The following ADGRG1 variants were observed in gnomAD, a reference collection of about 807,000 sequenced individuals.
The protein encoded by ADGRG1 is adhesion G protein-coupled receptor G1.
ADGRG1 carries 53 observed loss-of-function variants against 73.5 expected under a neutral mutation model. The ratio of observed to expected loss-of-function variants is 0.72; its 90% CI spans 0.58 to 0.91. The LOEUF (loss-of-function observed/expected upper bound fraction) is 0.91. Ranked by LOEUF, ADGRG1 falls within the 40% of genes least tolerant of loss-of-function variation. The pLI is 0.00. For missense variants in ADGRG1, 795 were observed against 871.8 expected, an observed-to-expected ratio of 0.91 and a Z score of 1.11; for synonymous variants, 394 against 374.4, an observed-to-expected ratio of 1.05 and a Z score of -0.60.
intron 3 of ADGRG1, chr16:57,652,255 C>A: frequency 2.0e-6 from 1 of 492,418 alleles, no homozygotes. Flanking sequence ...CCATTCAGCA[C>A]CATTAAATGC....
At chr16:57,626,890 T>C, upstream of ADGRG1, 1 of 984,426 alleles carries the variant, frequency 1.0e-6, no homozygotes, top group Non-Finnish European at 1.2e-6. Flanking sequence ...AACTCACTTG[T>C]CCTCCCTTGT....
intron 12 of ADGRG1, chr16:57,661,185 C>T (rs902717450): frequency 3.2e-6 from 2 of 631,730 alleles, no homozygotes; most frequent in Non-Finnish European, 3.9e-6. Context: ...CAGCACCTCT[C>T]TGTCTCCCCA....
rs557468195 is a variant in ADGRG1 at position 57,659,188 on chromosome 16, C to T, written c.1287-225C>T. ...CTGCCTGGCTGAGGCTTCTGTTAAA[C>T]GTGCACGTGGTGCCTGAGTCTGTGG... On this transcript the variant is annotated intron_variant, in intron 10 of 13. Transcript: ENST00000562631. 1.8e-3 allele frequency: 1,768 copies of T among 985,396 alleles called. 5 individuals carry two copies. Among genetic ancestry groups the T allele is most frequent in the South Asian group, 2.6e-3 (56 of 21,290 alleles). The allele number at this position is 985,396 out of a possible 1,614,324, so 61.0% of individuals were successfully genotyped here. A position where few individuals can be genotyped will look rare whatever the true frequency, so the allele number is the denominator to read the frequency against.
rs587783652 is a variant in ADGRG1, at chr16:57,659,534, C to G, written c.1408C>G (p.Arg470Gly). The G allele has an allele frequency of 2.5e-6, 4 of 1,613,660 alleles. No individual in the cohort carries two copies. The highest frequency in any genetic ancestry group is 1.7e-6 in the Non-Finnish European group (2 of 1,179,940). ...VALTGSEAGC[R>G]ASAIFLHFSL... ...CCTGACAGGCTCTGAGGCTGGCTGC[C>G]GAGCCAGTGCCATCTTCCTGCACTT... is the stretch of plus-strand genomic sequence containing the variant. The change falls in exon 11 of 14, where the codon CGA becomes GGA. Residue 470 changes from arginine (R) to glycine (G), a missense_variant. Arg to Gly is a moderately radical substitution (Grantham distance 125). Coordinates refer to ENST00000562631, the MANE Select transcript of ADGRG1 (RefSeq NM_201525.4).
At chr16:57,625,338 C>T (rs1280434056), upstream of ADGRG1, among the ~76,000 whole-genome samples, 1 of 152,186 alleles carries the variant, frequency 6.6e-6, no homozygotes, top group East Asian at 1.9e-4. Context: ...TCTTCTCTGC[C>T]TTCCGGATCT....
intron 1 of ADGRG1, among the ~76,000 whole-genome samples, chr16:57,639,061 C>T (rs1161926448): frequency 4.7e-5 from 7 of 150,504 alleles, no homozygotes; most frequent in Non-Finnish European, 1.0e-4. Flanking sequence ...AAGAGCGAAA[C>T]TCTGTTTGAG....
At chr16:57,656,720 T>G in intron 9 of ADGRG1, 103 bp downstream of exon 9, 3 of 798,320 alleles carry the variant, frequency 3.8e-6, no homozygotes, top group South Asian at 1.3e-5. Context: ...ATAACAGCTC[T>G]CCAAGGTAGC....
At chr16:57,652,705 C>A in intron 3 of ADGRG1, 2 of 998,106 alleles carry the variant, frequency 2.0e-6, no homozygotes, top group Non-Finnish European at 2.4e-6. Flanking sequence ...AGAAAGTATA[C>A]CCTCCAACCC....
chr16:57,663,182 C>G, intron 13 of ADGRG1: 1 of 810,920 alleles, frequency 1.2e-6, no homozygotes, highest in Non-Finnish European at 1.5e-6. Flanking sequence ...ACCTGAGCCT[C>G]CTGGGCCTCA....
upstream of ADGRG1, among the ~76,000 whole-genome samples, chr16:57,624,425 C>T (rs141736589): frequency 6.6e-6 from 1 of 152,098 alleles, no homozygotes; most frequent in Non-Finnish European, 1.5e-5. Context: ...CGTTTGAGCC[C>T]AGGAGATTGA....
At chr16:57,644,277 C>G in intron 1 of ADGRG1, 1 of 770,798 alleles carries the variant, frequency 1.3e-6, no homozygotes, top group Non-Finnish European at 1.6e-6. Context: ...GGCACACACA[C>G]TCATCACACA....
intron 1 of ADGRG1, among the ~76,000 whole-genome samples, chr16:57,649,052 T>C: frequency 6.6e-6 from 1 of 152,144 alleles, no homozygotes; most frequent in African/African-American, 2.4e-5. Flanking sequence ...TGGCAGATAG[T>C]AGCCGCTCAG....
At chr16:57,630,227 A>G (rs1251145449) in intron 1 of ADGRG1, 1 of 436,548 alleles carries the variant, frequency 2.3e-6, no homozygotes, top group Non-Finnish European at 3.0e-6. Flanking sequence ...TTGGGGTCAG[A>G]GACTGTGTGA....
chr16:57,650,298 A>C lies in ADGRG1; in HGVS notation c.11A>C (p.Gln4Pro), dbSNP rs1198610537. MTP[Q>P]SLLQTTLFLL... ...CTCCGTCGGAGGAAAATGACTCCCC[A>C]GTCGCTGCTGCAGACGACACTGTTC... Residue 4 changes from glutamine to proline, a missense_variant, in exon 2 of 14, where the codon CAG becomes CCG. Physicochemically the swap from Gln to Pro is moderately conservative, Grantham distance 76 (BLOSUM62 -1). Transcript: ENST00000562631. 6.2e-7 allele frequency: 1 copy of C among 1,613,610 alleles called. No homozygotes were observed. The highest frequency in any genetic ancestry group is 1.3e-5 in the African/African-American group (1 of 74,908).
At chr16:57,633,682 A>T (rs2038608330) in intron 1 of ADGRG1, 1 of 209,886 alleles carries the variant, frequency 4.8e-6, no homozygotes. Flanking sequence ...GAGAGGATTA[A>T]GTGAGCCTCT....
At chr16:57,627,185 C>T (rs576740654), upstream of ADGRG1, 18 of 639,886 alleles carry the variant, frequency 2.8e-5, no homozygotes, top group South Asian at 6.9e-5. Flanking sequence ...GTGCAGTTCA[C>T]CTGCAGCAGC....
At chr16:57,660,523 G>T (rs1212651591) in intron 11 of ADGRG1, 2 of 746,660 alleles carry the variant, frequency 2.7e-6, no homozygotes, top group Non-Finnish European at 3.3e-6. Flanking sequence ...TCTCCCAGGG[G>T]CCCCCAGGGT....
intron 1 of ADGRG1, chr16:57,630,396 T>G (rs2037461629): frequency 2.0e-6 from 2 of 985,786 alleles, no homozygotes; most frequent in Middle Eastern, 5.2e-4. Context: ...ACCCGAGATA[T>G]GCACCCACCT....
Position 57,628,911 on chromosome 16 carries a change from TGTGAGA to T in ADGRG1, c.-36+115_-36+120del, listed in dbSNP as rs1161377789. The T allele has an allele frequency of 1.6e-4, 133 of 842,672 alleles. 6 individuals are homozygous for T. Among genetic ancestry groups the T allele is most frequent in the African/African-American group, 2.2e-4 (6 of 27,900 alleles). 52.2% of individuals were successfully genotyped at this position (842,672 alleles called of 1,614,324 possible). Reference sequence around the variant, plus strand: ...GAGTGTGAGTGTGTGAGTGTGAGTGTGTGAGAGTGAGTGTGAGTGTGAGTGTGAGCG... The same window carrying T: ...GAGTGTGAGTGTGTGAGTGTGAGTGTGTGAGTGTGAGTGTGAGTGTGAGCG... On this transcript the variant is annotated intron_variant, in intron 1 of 13. Coordinates refer to ENST00000562631, the MANE Select transcript of ADGRG1 (RefSeq NM_201525.4).
Sources: gnomAD v4.1 joint callset for allele counts (sites outside exome capture counted in the v4.1 genomes callset) on GRCh38, gnomAD v4.1.1 for gene constraint, MANE v1.5 for transcripts, NCBI Gene and HGNC (gene_info 2026-07-23, HGNC 2026-07-21) for gene names.